Variants in NCOR2 observed in about 807,000 individuals in gnomAD.
The protein encoded by NCOR2 is nuclear receptor corepressor 2.
A neutral mutation model predicts 262.9 loss-of-function variants in NCOR2; 81 were observed. That is an observed-to-expected ratio of 0.31 (90% CI 0.26 to 0.37). The LOEUF is 0.37. Ranked by LOEUF, NCOR2 falls within the 10% of genes least tolerant of loss-of-function variation. The pLI is 1.00. For missense variants in NCOR2, 3,385 were observed against 3,621.4 expected, an observed-to-expected ratio of 0.93 and a Z score of 1.68; for synonymous variants, 1,659 against 1,559.3, an observed-to-expected ratio of 1.06 and a Z score of -1.51.
At chr12:124,515,806 G>A (rs912200661) in intron 1 of NCOR2, among the ~76,000 whole-genome samples, 11 of 152,160 alleles carry the variant, frequency 7.2e-5, no homozygotes, top group African/African-American at 1.2e-4. Flanking sequence ...GTGAGTGTGC[G>A]CGTATTTAGT....
intron 16 of NCOR2, among the ~76,000 whole-genome samples, chr12:124,386,708 C>G (rs1380944288): frequency 1.3e-5 from 2 of 152,238 alleles, no homozygotes. Context: ...GTTCTAGTTT[C>G]AAGGCCACAA....
chr12:124,429,172 G>A (rs540509913), intron 10 of NCOR2, among the ~76,000 whole-genome samples: 2 of 152,238 alleles, frequency 1.3e-5, no homozygotes, highest in South Asian at 2.1e-4. Flanking sequence ...TTCGGCCTGC[G>A]CCATGCTCCC....
At chr12:124,498,287 G>A (rs1004078916), upstream of NCOR2, among the ~76,000 whole-genome samples, 1 of 152,160 alleles carries the variant, frequency 6.6e-6, no homozygotes, top group South Asian at 2.1e-4. Context: ...TGGTGCACAC[G>A]GGCACCAGAG....
chr12:124,399,460 C>T (rs930383648), intron 15 of NCOR2, among the ~76,000 whole-genome samples: 1 of 152,224 alleles, frequency 6.6e-6, no homozygotes, highest in Non-Finnish European at 1.5e-5. Context: ...AGTACACCGC[C>T]ACCAAGAGGC....
At chr12:124,525,423 G>C (rs1011998694) in intron 1 of NCOR2, among the ~76,000 whole-genome samples, 1 of 152,170 alleles carries the variant, frequency 6.6e-6, no homozygotes, top group Non-Finnish European at 1.5e-5. Flanking sequence ...TTGCAAAATC[G>C]TGTTTGTTTT....
In NCOR2 at chr12:124,354,637, G is replaced by C. The variant is rs2037797287; in HGVS notation, c.3485-55C>G. 2.8e-6 allele frequency: 4 copies of C among 1,441,890 alleles called. No individual in the cohort carries two copies. In the Admixed American group the frequency reaches 7.7e-5, roughly 28 times the overall value. 89.3% of individuals were successfully genotyped at this position (1,441,890 alleles called of 1,614,324 possible). A position where few individuals can be genotyped will look rare whatever the true frequency, so the allele number is the denominator to read the frequency against. ...TGCTGCCGGAGCAGGGTCCCGGGAG[G>C]CTTGTCCCCACCCAACCTGAGCCAG... On this transcript the variant is annotated intron_variant, in intron 25 of 46. Transcript: ENST00000405201.
chr12:124,519,512 G>A (rs76981897), intron 1 of NCOR2, among the ~76,000 whole-genome samples: 11 of 152,264 alleles, frequency 7.2e-5, no homozygotes, highest in East Asian at 5.8e-4. Context: ...TGGACCACGC[G>A]GGTGTGTTGT....
intron 1 of NCOR2, among the ~76,000 whole-genome samples, chr12:124,565,056 A>C (rs778835422): frequency 2.0e-5 from 3 of 152,170 alleles, no homozygotes; most frequent in Non-Finnish European, 4.4e-5. Flanking sequence ...GATTATGCCA[A>C]ATAAATCCTT....
At chr12:124,338,353 T>A (rs1245121923) in intron 37 of NCOR2, among the ~76,000 whole-genome samples, 2 of 151,780 alleles carry the variant, frequency 1.3e-5, no homozygotes, top group Non-Finnish European at 2.9e-5. Flanking sequence ...ACTAAAAATA[T>A]AAAAATTAGC....
intron 1 of NCOR2, among the ~76,000 whole-genome samples, chr12:124,525,528 C>T (rs1180895958): frequency 1.3e-5 from 2 of 152,244 alleles, no homozygotes; most frequent in African/African-American, 4.8e-5. Context: ...CAGGAGGAGG[C>T]CGTGGGGACA....
rs2050792932 is a variant in NCOR2 at position 124,531,773 on chromosome 12, C to T, written c.-118+3792G>A. Among the ~76,000 whole-genome samples the T allele has an allele frequency of 6.6e-6, 1 of 151,898 alleles. No homozygotes were observed. Among genetic ancestry groups the T allele is most frequent in the Non-Finnish European group, 1.5e-5 (1 of 67,930 alleles). On this transcript the variant is annotated intron_variant, in intron 1 of 46. Transcript: ENST00000404621. The surrounding 1 kb of genome is among the most constrained non-coding windows in gnomAD (Gnocchi z 4.5). ...CGGGCCAGGGCCCTAAAACCTCCCC[C>T]TACACACCTTCGGTGTCCCCGATCA...
intron 13 of NCOR2, among the ~76,000 whole-genome samples, chr12:124,407,268 G>A (rs1381559697): frequency 3.3e-5 from 5 of 152,238 alleles, no homozygotes; most frequent in African/African-American, 7.2e-5. Context: ...AGATGGAGGC[G>A]CCGGTGACGA....
intron 8 of NCOR2, among the ~76,000 whole-genome samples, chr12:124,437,606 C>T (rs2044425006): frequency 2.0e-5 from 3 of 152,196 alleles, no homozygotes; most frequent in Admixed American, 2.0e-4. Context: ...TCTCCAAAAC[C>T]TCTCTTTCTG....
intron 1 of NCOR2, among the ~76,000 whole-genome samples, chr12:124,525,756 C>T (rs953534111): frequency 2.0e-5 from 3 of 152,196 alleles, no homozygotes; most frequent in East Asian, 1.9e-4. Context: ...ACCATCCACA[C>T]GATGAAAAGC....
At chr12:124,356,875 C>A (rs4765144) in intron 22 of NCOR2, 93 bp from the exon 25 acceptor site, 4 of 1,370,110 alleles carry the variant, frequency 2.9e-6, no homozygotes, top group Non-Finnish European at 3.8e-6. Context: ...GGCCTTCCTG[C>A]ACCCACAGTA....
In NCOR2 at chr12:124,439,713, T is replaced by A. The variant is rs530049903; in HGVS notation, c.816-1717A>T. Among the ~76,000 whole-genome samples, 4 of 133,330 alleles carry A rather than the reference T, an allele frequency of 3.0e-5. No individual in the cohort carries two copies. In the East Asian group the frequency reaches 6.9e-4, roughly 23 times the overall value. The allele number at this position is 133,330 out of a possible 152,430, so 87.5% of individuals were successfully genotyped here. ...ATGAGACTGAGAGGTGAGACTGGAG[T>A]GAGAGAGATGAGAAAGAGAGGATCA... is the stretch of plus-strand genomic sequence containing the variant. On this transcript the variant is annotated intron_variant, in intron 7 of 46. Transcript: ENST00000405201.
chr12:124,383,052 G>GAATGAATC (rs1555214298), intron 17 of NCOR2, among the ~76,000 whole-genome samples: 1 of 152,140 alleles, frequency 6.6e-6, no homozygotes, highest in Non-Finnish European at 1.5e-5. Context: ...ATGAATGAAT[G>GAATGAATC]AATCAATCAA....
At chr12:124,474,285 G>A (rs1316867782) in intron 3 of NCOR2, among the ~76,000 whole-genome samples, 3 of 152,188 alleles carry the variant, frequency 2.0e-5, no homozygotes, top group South Asian at 2.1e-4. Flanking sequence ...CCATCAGAAC[G>A]GGCTACAGTT....
In NCOR2 at chr12:124,504,290, T is replaced by G. The variant is rs560335038; in HGVS notation, c.-117-8922A>C. Among the ~76,000 whole-genome samples the G allele has an allele frequency of 6.6e-6, 1 of 152,318 alleles. No homozygotes were observed. Among genetic ancestry groups the G allele is most frequent in the Admixed American group, 6.5e-5 (1 of 15,306 alleles). ...GGAGCGTCTCGTCAGGTCCCAGACT[T>G]GCTCCCTCTGGGCAGTTTCCTGGGA... On this transcript the variant is annotated intron_variant, in intron 1 of 46. Coordinates refer to the NCOR2 transcript ENST00000404621. The surrounding 1 kb of genome is among the most constrained non-coding windows in gnomAD (Gnocchi z 4.5).
Sources: gnomAD v4.1 joint callset for allele counts (sites outside exome capture counted in the v4.1 genomes callset) on GRCh38, gnomAD v4.1.1 for gene constraint, Gnocchi (gnomAD v3.1) non-coding constraint, MANE v1.5 for transcripts, NCBI Gene and HGNC (gene_info 2026-07-23, HGNC 2026-07-21) for gene names.